ZC3HAV1: variants seen among roughly 807,000 people sequenced by gnomAD.
ZC3HAV1 encodes zinc finger CCCH-type antiviral protein 1.
In ZC3HAV1, 41 loss-of-function variants were observed where a neutral mutation model predicts 86.6. The ratio of observed to expected loss-of-function variants is 0.47; its 90% CI spans 0.37 to 0.61. The LOEUF is 0.61. ZC3HAV1 is among the 20% of genes least tolerant of loss of function. ZC3HAV1 has a pLI of 0.00. For missense variants in ZC3HAV1, 964 were observed against 1,141.1 expected (o/e 0.84, Z 2.24); for synonymous variants, 421 against 432.1 (o/e 0.97, Z 0.32).
chr7:139,101,774 C>G (rs1817780676), intron 1 of ZC3HAV1, among the ~76,000 whole-genome samples: 1 of 151,634 alleles, frequency 6.6e-6, no homozygotes, highest in African/African-American at 2.4e-5. Context: ...AAGGGCGGTG[C>G]AAGATGTGCT....
At position 139,056,682 on chromosome 7, in the gene ZC3HAV1, C is replaced by T. The variant is rs569227710; in HGVS notation, c.2097-1387G>A. Among the ~76,000 whole-genome samples, 10 of 152,274 alleles carry T rather than the reference C, an allele frequency of 6.6e-5. No homozygotes were observed. In the South Asian group the frequency reaches 1.0e-3, roughly 16 times the overall value. On this transcript the variant is annotated intron_variant, in intron 9 of 12. Transcript: ENST00000242351. ...TTGGCCTCCCAAAGTGCTAGGATTACAGGCATGAGCCACCACACCTGGCCT... is the reference window on the plus strand; with the variant it reads ...TTGGCCTCCCAAAGTGCTAGGATTATAGGCATGAGCCACCACACCTGGCCT...
chr7:139,103,247 CTTG>C (rs1385510268), intron 1 of ZC3HAV1, among the ~76,000 whole-genome samples: 10 of 149,204 alleles, frequency 6.7e-5, no homozygotes, highest in Non-Finnish European at 1.2e-4. Flanking sequence ...ATTTATTTTA[CTTG>C]TTTTTTATTT....
At chr7:139,097,411 TATATATATATATATATA>T (rs1563140558) in intron 1 of ZC3HAV1, among the ~76,000 whole-genome samples, 16 of 79,454 alleles carry the variant, frequency 2.0e-4, no homozygotes, top group East Asian at 4.1e-4. Flanking sequence ...CATATATATA[TATATATATATATATATA>T]TTTTTTTTTT....
At chr7:139,083,662 G>C (rs1043577266) in intron 3 of ZC3HAV1, 118 bp downstream of exon 3, 1 of 1,336,090 alleles carries the variant, frequency 7.5e-7, no homozygotes, top group Non-Finnish European at 9.9e-7. Context: ...GGGAGGCAGA[G>C]GTTGCAGTGA....
intron 1 of ZC3HAV1, among the ~76,000 whole-genome samples, chr7:139,091,935 G>A (rs1817448485): frequency 6.6e-6 from 1 of 152,170 alleles, no homozygotes; most frequent in Admixed American, 6.5e-5. Context: ...TTATTTAGCC[G>A]GCGGCCAAGA....
chr7:139,078,112 G>A (rs1301253585), intron 5 of ZC3HAV1, among the ~76,000 whole-genome samples: 2 of 152,170 alleles, frequency 1.3e-5, no homozygotes, highest in African/African-American at 2.4e-5. Context: ...GGTGGCACAC[G>A]CCTGTAACCC....
rs956777043 is a variant in ZC3HAV1 at position 139,091,658 on chromosome 7, C to T, written c.309-1899G>A. ...TTGAGACAGGGTCTCACTCTGTTGT[C>T]CAGGCTGGAGTGCAGTGGCACAATC... On this transcript the variant is annotated intron_variant, in intron 1 of 12. Transcript: ENST00000242351. Among the ~76,000 whole-genome samples, 4 of 151,902 alleles carry T rather than the reference C, an allele frequency of 2.6e-5. No individual in the cohort carries two copies. The South Asian group carries it at 8.3e-4, about 31-fold the overall frequency.
At chr7:139,076,694 C>G (rs560370778) in intron 5 of ZC3HAV1, among the ~76,000 whole-genome samples, 1 of 152,188 alleles carries the variant, frequency 6.6e-6, no homozygotes, top group African/African-American at 2.4e-5. Flanking sequence ...GAGTTCACAA[C>G]CAGCCTAGCC....
rs372828133 is a variant in ZC3HAV1, at chr7:139,108,319, G to C, written c.308+705C>G. Reference sequence around the variant, plus strand: ...AACAACAGAAGCAGTGGCCCGAGACGTGAGCCACACTGCTTCAAAGGGATT... The same window carrying C: ...AACAACAGAAGCAGTGGCCCGAGACCTGAGCCACACTGCTTCAAAGGGATT... On this transcript the variant is annotated intron_variant, in intron 1 of 12. Transcript: ENST00000242351. This position sits in a 1 kb window ranked among gnomAD's most constrained non-coding sequence, Gnocchi z 4.2. Among the ~76,000 whole-genome samples the C allele has an allele frequency of 6.6e-6, 1 of 151,766 alleles. No individual in the cohort carries two copies. The highest frequency in any genetic ancestry group is 6.6e-5 in the Admixed American group (1 of 15,252).
chr7:139,060,706 A>C (rs1476392834), intron 9 of ZC3HAV1: 14 of 1,106,110 alleles, frequency 1.3e-5, no homozygotes, highest in Non-Finnish European at 1.6e-5. Flanking sequence ...ATCCACAGCA[A>C]AACAAAAACC....
chr7:139,088,021 G>A (rs1269426933), intron 2 of ZC3HAV1, among the ~76,000 whole-genome samples: 1 of 90,700 alleles, frequency 1.1e-5, no homozygotes, highest in Non-Finnish European at 1.9e-5. Context: ...GACAGAGCAA[G>A]ATCCTGTCTC....
At chr7:139,101,522 C>T in intron 1 of ZC3HAV1, among the ~76,000 whole-genome samples, 1 of 107,896 alleles carries the variant, frequency 9.3e-6, no homozygotes, top group Non-Finnish European at 1.8e-5. Flanking sequence ...TACCCAACAG[C>T]TCATTGAGAA....
intron 7 of ZC3HAV1, among the ~76,000 whole-genome samples, chr7:139,070,515 T>A (rs923392762): frequency 6.7e-6 from 1 of 150,152 alleles, no homozygotes; most frequent in African/African-American, 2.5e-5. Context: ...ATATAAAAAA[T>A]TAGCTGGGCG....
chr7:139,044,460 C>T lies in ZC3HAV1; in HGVS notation c.*3134G>A, dbSNP rs1815902399. The T allele has an allele frequency of 6.6e-6, 1 of 152,130 alleles. No individual in the cohort carries two copies. The highest frequency in any genetic ancestry group is 1.5e-5 in the Non-Finnish European group (1 of 68,030). The allele number at this position is 152,130 out of a possible 1,614,324, so 9.4% of individuals were successfully genotyped here. ...ATTATAAATTTCTTCTTTTCTATTT[C>T]TCCTTAATAAGAGAGTTAGGGCATT... On this transcript the variant is annotated 3_prime_UTR_variant, in exon 13 of 13. Transcript: ENST00000242351.
Position 139,109,095 on chromosome 7 carries a change from C to A in ZC3HAV1, c.237G>T (p.Gln79His). ...RARVCRRKYC[Q>H]RPCDNLHLCK... ...AGAGATGCAGGTTATCGCAGGGTCT[C>A]TGGCAGTACTTGCGACGGCAGACCC... The change falls in exon 1 of 13, where the codon CAG becomes CAT. Residue 79 changes from glutamine to histidine, a missense_variant. By Grantham distance (24) the Gln-to-His change is conservative. Transcript: ENST00000242351. 6.3e-7 allele frequency: 1 copy of A among 1,595,246 alleles called. No individual in the cohort carries two copies. Among genetic ancestry groups the A allele is most frequent in the Non-Finnish European group, 8.5e-7 (1 of 1,170,580 alleles).
chr7:139,069,044 G>T (rs771777038), intron 7 of ZC3HAV1, among the ~76,000 whole-genome samples: 1 of 152,184 alleles, frequency 6.6e-6, no homozygotes, highest in Non-Finnish European at 1.5e-5. Context: ...AGCTACTCTT[G>T]TAAGGATAAG....
At chr7:139,070,446 C>T (rs1020080368) in intron 7 of ZC3HAV1, among the ~76,000 whole-genome samples, 8 of 150,708 alleles carry the variant, frequency 5.3e-5, no homozygotes, top group East Asian at 2.0e-4. Flanking sequence ...GGGCAGATCA[C>T]GAGGTCAGGA....
intron 12 of ZC3HAV1, among the ~76,000 whole-genome samples, chr7:139,051,102 G>A (rs1338739229): frequency 2.0e-5 from 3 of 149,040 alleles, no homozygotes; most frequent in Non-Finnish European, 3.0e-5. Flanking sequence ...ACGGAGTCTC[G>A]GCTGGTGTGC....
At chr7:139,096,640 C>G (rs891547964) in intron 1 of ZC3HAV1, among the ~76,000 whole-genome samples, 1 of 152,288 alleles carries the variant, frequency 6.6e-6, no homozygotes, top group East Asian at 1.9e-4. Context: ...AACCCCTAAT[C>G]TCTGAGAAAG....
Sources: gnomAD v4.1 joint callset for allele counts (sites outside exome capture counted in the v4.1 genomes callset) on GRCh38, gnomAD v4.1.1 for gene constraint, Gnocchi (gnomAD v3.1) non-coding constraint, MANE v1.5 for transcripts, NCBI Gene and HGNC (gene_info 2026-07-23, HGNC 2026-07-21) for gene names.